Variants in DAB1 observed in about 807,000 individuals in gnomAD.
DAB1 encodes the protein disabled homolog 1.
DAB1 carries 15 observed loss-of-function variants against 64.6 expected under a neutral mutation model. The ratio of observed to expected loss-of-function variants is 0.23; its 90% confidence interval spans 0.16 to 0.36. DAB1 has a LOEUF of 0.36. Ranked by LOEUF, DAB1 falls within the 10% of genes least tolerant of loss-of-function variation. DAB1 has a pLI of 1.00. For synonymous variants in DAB1, 235 were observed against 251.9 expected (o/e 0.93, Z 0.64); for missense variants, 596 against 706.7 (o/e 0.84, Z 1.78).
At chr1:57,406,289 T>G (rs912337902) in intron 1 of DAB1, among the ~76,000 whole-genome samples, 1 of 152,216 alleles carries the variant, frequency 6.6e-6, no homozygotes, top group Admixed American at 6.5e-5. Flanking sequence ...ACTTAGATAC[T>G]AACCCTCCCT....
intron 5 of DAB1, among the ~76,000 whole-genome samples, chr1:57,937,940 G>C (rs1385824757): frequency 6.6e-6 from 1 of 152,160 alleles, no homozygotes; most frequent in East Asian, 1.9e-4. Context: ...CAGTATCCTT[G>C]GGCCCTGTGC....
At chr1:57,649,695 A>T (rs1219352102) in intron 6 of DAB1, 1 of 152,218 alleles carries the variant, frequency 6.6e-6, no homozygotes, top group Non-Finnish European at 1.5e-5. Flanking sequence ...GATATTTAAA[A>T]AAGTAAATAT....
chr1:57,242,946 A>G (rs1668599783), intron 2 of DAB1, among the ~76,000 whole-genome samples: 3 of 152,250 alleles, frequency 2.0e-5, no homozygotes, highest in South Asian at 4.1e-4. Flanking sequence ...ATTTTAGATC[A>G]GTATCCTTTG....
rs138532666 is a variant in DAB1 at position 57,951,996 on chromosome 1, C to G, written n.388-67834G>C. Among the ~76,000 whole-genome samples the G allele has an allele frequency of 2.6e-5, 4 of 152,294 alleles. No homozygotes were observed. The East Asian group carries it at 7.7e-4, about 29-fold the overall frequency. Reference sequence around the variant, plus strand: ...AGTCATTCCGCTTATACAGTGCATCCTGGGTGGACTCACTGGTTCTCAATA... The same window carrying G: ...AGTCATTCCGCTTATACAGTGCATCGTGGGTGGACTCACTGGTTCTCAATA... On this transcript the variant is annotated intron_variant and non_coding_transcript_variant, in intron 5 of 20. Coordinates refer to the DAB1 transcript ENST00000485760.
In DAB1 at chr1:58,444,197, G is replaced by A. The variant is rs140140366; in HGVS notation, n.257+61863C>T. Among the ~76,000 whole-genome samples, 56 of 152,324 alleles carry A rather than the reference G, an allele frequency of 3.7e-4. 1 individual carries two copies. Among genetic ancestry groups the A allele is most frequent in the African/African-American group, 1.3e-3 (55 of 41,580 alleles). ...CAAAATTGTCTTTTGAGCAACATATGAGGAACCTTGGTATGCACTGTCATA... is the reference window on the plus strand; with the variant it reads ...CAAAATTGTCTTTTGAGCAACATATAAGGAACCTTGGTATGCACTGTCATA... On this transcript the variant is annotated intron_variant and non_coding_transcript_variant, in intron 3 of 20. Coordinates refer to the DAB1 transcript ENST00000485760.
At chr1:58,392,184 G>C (rs560675741) in intron 3 of DAB1, among the ~76,000 whole-genome samples, 4 of 152,310 alleles carry the variant, frequency 2.6e-5, no homozygotes, top group Non-Finnish European at 5.9e-5. Context: ...GGGGAAGAAA[G>C]ATAAGCTCAA....
In DAB1 at chr1:57,491,410, A is replaced by C. The variant is rs901601565; in HGVS notation, n.625+158182T>G. The stretch of plus-strand genomic sequence containing the variant: ...GCCACTGCACTCTAGCCTGGGTGAC[A>C]GAGCGAGACTCCATCTCAAAAAAAT... On this transcript the variant is annotated intron_variant and non_coding_transcript_variant, in intron 7 of 20. Transcript: ENST00000485760. Among the ~76,000 whole-genome samples, 3 of 152,322 alleles carry C rather than the reference A, an allele frequency of 2.0e-5. No homozygotes were observed. In the East Asian group the frequency reaches 5.8e-4, roughly 29 times the overall value.
At chr1:57,802,637 T>G (rs1215062745) in intron 6 of DAB1, among the ~76,000 whole-genome samples, 2 of 152,138 alleles carry the variant, frequency 1.3e-5, no homozygotes, top group Non-Finnish European at 2.9e-5. Context: ...CCCTTGATGT[T>G]CTCATGAGAG....
chr1:57,856,588 C>A (rs868337100), intron 1 of DAB1, among the ~76,000 whole-genome samples: 4 of 151,934 alleles, frequency 2.6e-5, no homozygotes, highest in Non-Finnish European at 5.9e-5. Flanking sequence ...CATGATGAAA[C>A]CACATCTCTA....
At chr1:57,178,900 C>T (rs1045805226) in intron 2 of DAB1, among the ~76,000 whole-genome samples, 1 of 152,046 alleles carries the variant, frequency 6.6e-6, no homozygotes, top group African/African-American at 2.4e-5. Flanking sequence ...CCATCGCCAC[C>T]TCCTGGAGAA....
At chr1:57,872,130 CTTTAAAAG>C (rs1186130350) in intron 1 of DAB1, among the ~76,000 whole-genome samples, 2 of 152,106 alleles carry the variant, frequency 1.3e-5, no homozygotes, top group Non-Finnish European at 2.9e-5. Context: ...CAATCAAATA[CTTTAAAAG>C]TTATTATTAT....
At chr1:57,375,896 C>T (rs550850434) in intron 1 of DAB1, among the ~76,000 whole-genome samples, 2 of 152,264 alleles carry the variant, frequency 1.3e-5, no homozygotes, top group East Asian at 3.9e-4. Context: ...TTGTGTATTG[C>T]CTTCCATGAG....
intron 5 of DAB1, among the ~76,000 whole-genome samples, chr1:57,977,874 T>C (rs148089299): frequency 6.6e-6 from 1 of 152,098 alleles, no homozygotes; most frequent in African/African-American, 2.4e-5. Flanking sequence ...GAAGGACCTC[T>C]TCAAAGAGAA....
At chr1:57,566,490 T>G (rs887518368) in intron 7 of DAB1, among the ~76,000 whole-genome samples, 4 of 152,052 alleles carry the variant, frequency 2.6e-5, no homozygotes, top group African/African-American at 4.8e-5. Context: ...TCCAGGAGCT[T>G]GTTTTTTGAA....
In DAB1 at chr1:57,635,833, C is replaced by T. The variant is rs183968057; in HGVS notation, n.625+13759G>A. On this transcript the variant is annotated intron_variant and non_coding_transcript_variant, in intron 7 of 20. Transcript: ENST00000485760. ...GTCCTTGGCCAGGTGCGGTGGCTCA[C>T]GCCTGTAATCCCAGCACCTTGGGAG... Among the ~76,000 whole-genome samples, 789 of 152,130 alleles carry T rather than the reference C, an allele frequency of 5.2e-3. 10 individuals carry two copies. The highest frequency in any genetic ancestry group is 0.018 in the African/African-American group (747 of 41,512).
chr1:57,953,854 A>G (rs1645329778), intron 5 of DAB1, among the ~76,000 whole-genome samples: 1 of 152,158 alleles, frequency 6.6e-6, no homozygotes, highest in Non-Finnish European at 1.5e-5. Context: ...CCCTATGGCT[A>G]CATGTCTCAA....
chr1:57,534,128 T>C (rs1420020528), intron 7 of DAB1, among the ~76,000 whole-genome samples: 2 of 152,134 alleles, frequency 1.3e-5, no homozygotes, highest in Admixed American at 1.3e-4. Flanking sequence ...CAGATTTGGG[T>C]AATATAATCA....
At chr1:57,475,904 T>G (rs910862600) in intron 7 of DAB1, among the ~76,000 whole-genome samples, 2 of 152,214 alleles carry the variant, frequency 1.3e-5, no homozygotes, top group African/African-American at 4.8e-5. Flanking sequence ...AATAAATGAA[T>G]GTACTTGGAG....
At position 57,557,950 on chromosome 1, in the gene DAB1, C is replaced by G. The variant is rs1038424220; in HGVS notation, n.625+91642G>C. ...AAATTGCTCTGAGTGAGAGTCTTAT[C>G]TCCTGTAGAGAAAGAGCTGAAATTG... On this transcript the variant is annotated intron_variant and non_coding_transcript_variant, in intron 7 of 20. Coordinates refer to the DAB1 transcript ENST00000485760. Among the ~76,000 whole-genome samples the G allele has an allele frequency of 2.0e-5, 3 of 152,176 alleles. No individual in the cohort carries two copies. The East Asian group carries it at 5.8e-4, about 29-fold the overall frequency.
Sources: gnomAD v4.1 joint callset for allele counts (sites outside exome capture counted in the v4.1 genomes callset) on GRCh38, gnomAD v4.1.1 for gene constraint, MANE v1.5 for transcripts, NCBI Gene and HGNC (gene_info 2026-07-23, HGNC 2026-07-21) for gene names.